Variants in ZHX3 observed in about 807,000 individuals in gnomAD.
ZHX3 encodes the protein zinc fingers and homeoboxes 3, also known as zinc fingers and homeoboxes protein 3.
ZHX3 carries 20 observed loss-of-function variants against 64.5 expected under a neutral mutation model. That is an observed-to-expected ratio of 0.31 (90% CI 0.22 to 0.45). ZHX3 has a LOEUF of 0.45. Among genes scored for constraint, ZHX3 ranks in the 20% least tolerant of loss-of-function variants. The pLI is 1.00. For missense variants in ZHX3, 1,041 were observed against 1,195.8 expected (o/e 0.87, Z 1.91); for synonymous variants, 423 against 461.6 (o/e 0.92, Z 1.07).
chr20:41,305,164 A>T (rs1167852425), intron 1 of ZHX3, among the ~76,000 whole-genome samples: 1 of 152,244 alleles, frequency 6.6e-6, no homozygotes, highest in Non-Finnish European at 1.5e-5. Context: ...TGCTACAAAA[A>T]ATACCTACAA....
chr20:41,291,021 T>C (rs1462096795), intron 1 of ZHX3, among the ~76,000 whole-genome samples: 5 of 152,222 alleles, frequency 3.3e-5, no homozygotes, highest in African/African-American at 9.6e-5. Context: ...GTGGTATTGT[T>C]TGATGAAGCC....
At chr20:41,274,926 G>A (rs922554321) in intron 1 of ZHX3, among the ~76,000 whole-genome samples, 6 of 152,172 alleles carry the variant, frequency 3.9e-5, no homozygotes, top group Non-Finnish European at 5.9e-5. Context: ...GGAGGCCAAG[G>A]CAGGTGGATC....
chr20:41,214,579 G>T (rs1458993255), intron 2 of ZHX3, among the ~76,000 whole-genome samples: 1 of 152,210 alleles, frequency 6.6e-6, no homozygotes, highest in East Asian at 1.9e-4. Context: ...AAAGTTGAAA[G>T]AGATTGACAG....
rs897508901 is a variant in ZHX3, at chr20:41,179,810, A to G, written c.*5381T>C. On this transcript the variant is annotated 3_prime_UTR_variant, in exon 4 of 4. Coordinates refer to ENST00000683867, the MANE Select transcript of ZHX3 (RefSeq NM_001384317.1). The surrounding 1 kb of genome is among the most constrained non-coding windows in gnomAD (Gnocchi z 4.3). Reference sequence around the variant, plus strand: ...ACGCCCGGCTAATTTTTGTATTTTTAGTAGAAACGGGGTTTCACCATGCCG... The same window carrying G: ...ACGCCCGGCTAATTTTTGTATTTTTGGTAGAAACGGGGTTTCACCATGCCG... 6.6e-6 allele frequency: 1 copy of G among 152,022 alleles called. No individual in the cohort carries two copies. The highest frequency in any genetic ancestry group is 2.4e-5 in the African/African-American group (1 of 41,384). 9.4% of individuals were successfully genotyped at this position (152,022 alleles called of 1,614,324 possible).
chr20:41,201,955 T>TA lies in ZHX3; in HGVS notation c.2860+101dup. On this transcript the variant is annotated intron_variant, in intron 3 of 3. Transcript: ENST00000683867. This position sits in a 1 kb window ranked among gnomAD's most constrained non-coding sequence, Gnocchi z 5.0. ...GGTTAATGCTGCTGCCAGGCAGCCT[T>TA]AGAGACAGCAGATGCCCCTGTGCAG... The TA allele has an allele frequency of 7.1e-7, 1 of 1,407,146 alleles. No individual in the cohort carries two copies. Among genetic ancestry groups the TA allele is most frequent in the Non-Finnish European group, 9.4e-7 (1 of 1,063,958 alleles). The allele number at this position is 1,407,146 out of a possible 1,614,324, so 87.2% of individuals were successfully genotyped here. A position where few individuals can be genotyped will look rare whatever the true frequency, so the allele number is the denominator to read the frequency against.
intron 1 of ZHX3, 79 bp downstream of exon 1, chr20:41,317,430 C>G (rs1041048127): frequency 6.6e-6 from 1 of 151,974 alleles, no homozygotes; most frequent in Non-Finnish European, 1.5e-5. Context: ...CAGGGTCTGA[C>G]AGGCAGAGAG....
chr20:41,298,321 T>A (rs2044639664), intron 1 of ZHX3, among the ~76,000 whole-genome samples: 1 of 152,160 alleles, frequency 6.6e-6, no homozygotes, highest in South Asian at 2.1e-4. Context: ...TTAATGACAC[T>A]ACTATTAACA....
rs1334554136 is a variant in ZHX3, at chr20:41,224,630, C to T, written c.-150-19564G>A. 6.6e-6 allele frequency among the ~76,000 whole-genome samples: 1 copy of T among 152,178 alleles called. No individual in the cohort carries two copies. Among genetic ancestry groups the T allele is most frequent in the African/African-American group, 2.4e-5 (1 of 41,440 alleles). ...AGAGGAGGACTTTGAGGTGAAGTGA[C>T]CCAGTGGGACAAGGAAACACTGCTA... On this transcript the variant is annotated intron_variant, in intron 2 of 3. Coordinates refer to ENST00000683867, the MANE Select transcript of ZHX3 (RefSeq NM_001384317.1). This position sits in a 1 kb window ranked among gnomAD's most constrained non-coding sequence, Gnocchi z 5.2.
At chr20:41,261,912 T>G (rs989917580) in intron 2 of ZHX3, among the ~76,000 whole-genome samples, 6 of 152,138 alleles carry the variant, frequency 3.9e-5, no homozygotes, top group Admixed American at 6.5e-5. Context: ...AAATAAACTT[T>G]CCCCTGCTTC....
chr20:41,215,948 CAAA>C (rs536278761), intron 2 of ZHX3, among the ~76,000 whole-genome samples: 1 of 58,088 alleles, frequency 1.7e-5, no homozygotes, highest in African/African-American at 6.4e-5. Context: ...CGAGACTGTC[CAAA>C]AAAAAAAAAA....
chr20:41,243,337 A>C (rs1003444218), intron 2 of ZHX3, among the ~76,000 whole-genome samples: 1 of 152,162 alleles, frequency 6.6e-6, no homozygotes, highest in Non-Finnish European at 1.5e-5. Flanking sequence ...GCCGCTATCA[A>C]GGTAATAAGA....
intron 2 of ZHX3, among the ~76,000 whole-genome samples, chr20:41,246,981 C>T (rs2041730730): frequency 6.6e-6 from 1 of 152,070 alleles, no homozygotes; most frequent in African/African-American, 2.4e-5. Flanking sequence ...ATGTATATGG[C>T]TGGGCATGGT....
chr20:41,288,877 T>C (rs1010208375), intron 1 of ZHX3, among the ~76,000 whole-genome samples: 2 of 152,250 alleles, frequency 1.3e-5, no homozygotes, highest in Non-Finnish European at 2.9e-5. Flanking sequence ...TTCATTTAAT[T>C]GTATGTGTTT....
rs1373224223 is a variant in ZHX3, at chr20:41,203,755, T to C, written c.1162A>G (p.Ile388Val). 3 of 1,614,162 alleles carry C rather than the reference T, an allele frequency of 1.9e-6. No homozygotes were observed. The highest frequency in any genetic ancestry group is 2.2e-5 in the South Asian group (2 of 91,082). Residue 388 changes from isoleucine (I) to valine (V), a missense_variant, in exon 3 of 4, where the codon ATT becomes GTT. By Grantham distance (29) the Ile-to-Val change is conservative. Transcript: ENST00000683867. The surrounding 1 kb of genome is among the most constrained non-coding windows in gnomAD (Gnocchi z 7.1). ...ACGAGTGGGGTATTTAGAACCGTAA[T>C]TGTGGGCTGAGGCACAGACTGGATG... ...TVIQSVPQPT[I>V]TVLNTPLVAS...
At chr20:41,242,258 T>C (rs750657672) in intron 2 of ZHX3, among the ~76,000 whole-genome samples, 6 of 152,340 alleles carry the variant, frequency 3.9e-5, no homozygotes, top group South Asian at 2.1e-4. Flanking sequence ...ATTTTCCAAA[T>C]TGGGAAACCA....
At chr20:41,217,077 G>T (rs2039582960) in intron 2 of ZHX3, among the ~76,000 whole-genome samples, 1 of 152,048 alleles carries the variant, frequency 6.6e-6, no homozygotes, top group South Asian at 2.1e-4. Context: ...TGAAACTGGG[G>T]TTTCATCTCC....
At chr20:41,271,325 G>GC (rs921462536) in intron 1 of ZHX3, among the ~76,000 whole-genome samples, 1 of 152,000 alleles carries the variant, frequency 6.6e-6, no homozygotes, top group Non-Finnish European at 1.5e-5. Context: ...GCCTACAAAA[G>GC]TTTTTTTTAG....
chr20:41,185,836 ACAATGC>A lies in ZHX3; in HGVS notation c.2861-641_2861-636del, dbSNP rs1430553069. On this transcript the variant is annotated intron_variant, in intron 3 of 3. Transcript: ENST00000683867. This position sits in a 1 kb window ranked among gnomAD's most constrained non-coding sequence, Gnocchi z 5.0. ...AGTTACCTGTCTCAGACAGAAGAGA[ACAATGC>A]CAATGGCAATGGCCACCCCCTGCCA... 7.2e-5 allele frequency: 11 copies of A among 152,466 alleles called. No homozygotes were observed. Among genetic ancestry groups the A allele is most frequent in the African/African-American group, 2.4e-4 (10 of 41,460 alleles). The allele number at this position is 152,466 out of a possible 1,614,324, so 9.4% of individuals were successfully genotyped here.
In ZHX3 at chr20:41,219,054, C is replaced by G. The variant is rs996153557; in HGVS notation, c.-150-13988G>C. Among the ~76,000 whole-genome samples, 7 of 151,962 alleles carry G rather than the reference C, an allele frequency of 4.6e-5. No homozygotes were observed. Among genetic ancestry groups the G allele is most frequent in the Non-Finnish European group, 8.8e-5 (6 of 67,984 alleles). Reference sequence around the variant, plus strand: ...ACGCCACTCTCCTGCCTCAGCCTCCCAAGTAGCTGGGACTACATGTGTCTG... The same window carrying G: ...ACGCCACTCTCCTGCCTCAGCCTCCGAAGTAGCTGGGACTACATGTGTCTG... On this transcript the variant is annotated intron_variant, in intron 2 of 3. Coordinates refer to ENST00000683867, the MANE Select transcript of ZHX3 (RefSeq NM_001384317.1). This position sits in a 1 kb window ranked among gnomAD's most constrained non-coding sequence, Gnocchi z 5.0.
Sources: allele counts gnomAD v4.1 joint callset (sites outside exome capture counted in the v4.1 genomes callset), GRCh38; gene constraint gnomAD v4.1.1; non-coding constraint Gnocchi (gnomAD v3.1); transcripts MANE v1.5; gene names NCBI Gene and HGNC (gene_info 2026-07-23, HGNC 2026-07-21).